Variants in FAS observed in about 807,000 individuals in gnomAD.
FAS encodes tumor necrosis factor receptor superfamily member 6.
A neutral mutation model predicts 33.2 loss-of-function variants in FAS; 5 were observed. The ratio of observed to expected loss-of-function variants is 0.15; its 90% CI spans 0.08 to 0.32. The LOEUF is 0.32. Among genes scored for constraint, FAS ranks in the 10% least tolerant of loss-of-function variants. The probability of loss-of-function intolerance (pLI) is 1.00; values close to 1 mark genes in which losing one functional copy is unlikely to be tolerated. For missense variants in FAS, 339 were observed against 386.0 expected (o/e 0.88, Z 1.02); for synonymous variants, 131 against 130.7 (o/e 1.00, Z -0.01).
At chr10:89,012,206 C>CCA in intron 7 of FAS, 125 bp downstream of exon 7, 2 of 830,692 alleles carry the variant, frequency 2.4e-6, no homozygotes, top group Non-Finnish European at 2.0e-6. Context: ...GAGATGGAGT[C>CCA]TTGCTCCATA....
At position 89,014,584 on chromosome 10, in the gene FAS, A is replaced by G; in HGVS notation, c.*134A>G. 3 of 871,492 alleles carry G rather than the reference A, an allele frequency of 3.4e-6. No homozygotes were observed. The highest frequency in any genetic ancestry group is 3.7e-6 in the Non-Finnish European group (2 of 542,310). The allele number at this position is 871,492 out of a possible 1,614,324, so 54.0% of individuals were successfully genotyped here. A position where few individuals can be genotyped will look rare whatever the true frequency, so the allele number is the denominator to read the frequency against. ...TTTATTAGCGCTGAAGAGCCAACATATTTGTAGATTTTTAATATCTCATGA... is the reference window on the plus strand; with the variant it reads ...TTTATTAGCGCTGAAGAGCCAACATGTTTGTAGATTTTTAATATCTCATGA... On this transcript the variant is annotated 3_prime_UTR_variant, in exon 9 of 9. Transcript: ENST00000652046.
At chr10:88,982,013 A>G (rs1020745543), upstream of FAS, among the ~76,000 whole-genome samples, 2 of 152,204 alleles carry the variant, frequency 1.3e-5, no homozygotes, top group Non-Finnish European at 2.9e-5. Context: ...ATAAGTTAGT[A>G]TATATAAAAG....
chr10:89,004,470 TC>T (rs1848109307), intron 2 of FAS, among the ~76,000 whole-genome samples: 1 of 151,702 alleles, frequency 6.6e-6, no homozygotes. Context: ...ACCCACTAAC[TC>T]GTCATCTAGC....
chr10:88,984,670 A>G (rs755876103), upstream of FAS, among the ~76,000 whole-genome samples: 2 of 151,620 alleles, frequency 1.3e-5, no homozygotes, highest in Non-Finnish European at 3.0e-5. Context: ...GCCTCTCTTG[A>G]CTTCTTATGT....
upstream of FAS, among the ~76,000 whole-genome samples, chr10:88,988,159 C>T (rs970658931): frequency 9.9e-5 from 15 of 152,132 alleles, no homozygotes; most frequent in African/African-American, 3.4e-4. Flanking sequence ...AGAACCCTGA[C>T]TAAAAGAACC....
chr10:88,984,017 T>A (rs925072067), upstream of FAS, among the ~76,000 whole-genome samples: 10 of 152,106 alleles, frequency 6.6e-5, no homozygotes, highest in African/African-American at 2.2e-4. Flanking sequence ...GTAGAGTTTG[T>A]GGGGAGGTTT....
In FAS at chr10:89,015,000, G is replaced by T. The variant is rs1848727761; in HGVS notation, c.*550G>T. The T allele has an allele frequency of 1.9e-6, 1 of 532,638 alleles. No homozygotes were observed. The allele number at this position is 532,638 out of a possible 1,614,324, so 33.0% of individuals were successfully genotyped here. A position where few individuals can be genotyped will look rare whatever the true frequency, so the allele number is the denominator to read the frequency against. On this transcript the variant is annotated 3_prime_UTR_variant, in exon 9 of 9. Transcript: ENST00000652046. ...GTATTTGAGTGCAGAATTTAAATAA[G>T]GCTCTACCTCAAAGACCTTTGCACA...
At chr10:88,979,940 C>T (rs190841792) in intron 2 of FAS, among the ~76,000 whole-genome samples, 15 of 152,232 alleles carry the variant, frequency 9.9e-5, no homozygotes, top group African/African-American at 3.1e-4. Context: ...ATAGTTCTTA[C>T]GTTCAAAGAG....
chr10:88,993,871 A>G (rs1053936731), intron 1 of FAS, among the ~76,000 whole-genome samples: 1 of 152,248 alleles, frequency 6.6e-6, no homozygotes, highest in African/African-American at 2.4e-5. Flanking sequence ...ATACAATAAA[A>G]TGATAAAATA....
intron 1 of FAS, among the ~76,000 whole-genome samples, chr10:89,000,476 AGAT>A (rs1321503730): frequency 6.6e-6 from 1 of 152,262 alleles, no homozygotes; most frequent in Non-Finnish European, 1.5e-5. Context: ...TATCAAGAAA[AGAT>A]GAGTTTAGCA....
intron 1 of FAS, among the ~76,000 whole-genome samples, chr10:88,967,770 T>C (rs750069183): frequency 6.6e-6 from 1 of 152,202 alleles, no homozygotes; most frequent in Non-Finnish European, 1.5e-5. Flanking sequence ...ATCAGCAGGT[T>C]CAGAATAAAT....
At chr10:88,985,664 C>G (rs1846859896), upstream of FAS, among the ~76,000 whole-genome samples, 1 of 152,226 alleles carries the variant, frequency 6.6e-6, no homozygotes, top group African/African-American at 2.4e-5. Flanking sequence ...CCATCCCACT[C>G]CCTGGCACTA....
upstream of FAS, among the ~76,000 whole-genome samples, chr10:88,983,707 T>G (rs944188998): frequency 4.6e-5 from 7 of 152,062 alleles, no homozygotes; most frequent in East Asian, 3.8e-4. Flanking sequence ...TGATATCTTA[T>G]TTTTGTTTAT....
At chr10:88,969,146 T>C (rs1418728670) in intron 1 of FAS, among the ~76,000 whole-genome samples, 1 of 152,134 alleles carries the variant, frequency 6.6e-6, no homozygotes, top group African/African-American at 2.4e-5. Context: ...AGGATCTTGA[T>C]TATTGAGGCA....
At chr10:88,973,334 G>C in exon 2 of FAS, 1 of 1,541,274 alleles carries the variant, frequency 6.5e-7, no homozygotes, top group Non-Finnish European at 8.8e-7. Context: ...AAGTGGAATG[G>C]AGAAGGTGAT....
At chr10:88,984,684 G>A (rs961467029), upstream of FAS, among the ~76,000 whole-genome samples, 1 of 151,620 alleles carries the variant, frequency 6.6e-6, no homozygotes, top group African/African-American at 2.4e-5. Context: ...CTTATGTTTA[G>A]TTATTCATGA....
At chr10:89,008,438 G>C (rs1848357369) in intron 3 of FAS, among the ~76,000 whole-genome samples, 1 of 152,200 alleles carries the variant, frequency 6.6e-6, no homozygotes, top group Non-Finnish European at 1.5e-5. Context: ...CAGTGCATTA[G>C]AATTGCTTAG....
chr10:88,989,759 T>C (rs1041728908), upstream of FAS, among the ~76,000 whole-genome samples: 1 of 152,142 alleles, frequency 6.6e-6, no homozygotes, highest in Non-Finnish European at 1.5e-5. Flanking sequence ...TTGAATCTAA[T>C]TGGGAAGGGA....
chr10:89,007,743 A>G lies in FAS; in HGVS notation c.240A>G (p.Pro80=), dbSNP rs1015885307. ...ACTGCACAGTCAATGGGGATGAACCAGACTGCGTGCCCTGCCAAGAAGGGA... is the reference window on the plus strand; with the variant it reads ...ACTGCACAGTCAATGGGGATGAACCGGACTGCGTGCCCTGCCAAGAAGGGA... ...ARDCTVNGDE[P]DCVPCQEGKE... is the part of the protein sequence containing the mutation. Residue 80 remains proline (P), a synonymous_variant, in exon 3 of 9, where the codon CCA becomes CCG. Transcript: ENST00000652046. 1 of 1,614,068 alleles carries G rather than the reference A, an allele frequency of 6.2e-7. No homozygotes were observed. The highest frequency in any genetic ancestry group is 8.5e-7 in the Non-Finnish European group (1 of 1,179,966).
Sources: allele counts gnomAD v4.1 joint callset (sites outside exome capture counted in the v4.1 genomes callset), GRCh38; gene constraint gnomAD v4.1.1; transcripts MANE v1.5; gene names NCBI Gene and HGNC (gene_info 2026-07-23, HGNC 2026-07-21).